The following TRIM9 variants were observed in gnomAD, a reference collection of about 807,000 sequenced individuals.
TRIM9 encodes the protein tripartite motif containing 9.
A neutral mutation model predicts 78.3 loss-of-function variants in TRIM9; 26 were observed. The observed-to-expected ratio is 0.33, with a 90% confidence interval of 0.24 to 0.46. The LOEUF (loss-of-function observed/expected upper bound fraction) is 0.46. Among genes scored for constraint, TRIM9 ranks in the 20% least tolerant of loss-of-function variants. TRIM9 has a pLI of 1.00. For missense variants in TRIM9, 787 were observed against 1,036.4 expected (o/e 0.76, Z 3.30); for synonymous variants, 398 against 416.5 (o/e 0.96, Z 0.54).
intron 1 of TRIM9, among the ~76,000 whole-genome samples, chr14:51,092,530 T>C (rs1156850154): frequency 6.6e-6 from 1 of 152,216 alleles, no homozygotes; most frequent in African/African-American, 2.4e-5. Context: ...AGCTGAGGCC[T>C]GGACACTATC....
intron 11 of TRIM9, among the ~76,000 whole-genome samples, chr14:50,980,469 TA>T (rs2051720797): frequency 6.6e-6 from 1 of 152,226 alleles, no homozygotes; most frequent in African/African-American, 2.4e-5. Context: ...AGACTGTACA[TA>T]GTCATTAAAA....
chr14:51,050,270 C>G (rs1192135789), intron 1 of TRIM9, among the ~76,000 whole-genome samples: 1 of 152,042 alleles, frequency 6.6e-6, no homozygotes, highest in Non-Finnish European at 1.5e-5. Flanking sequence ...GTGGGAGGGA[C>G]CTGGTGGGAG....
At chr14:51,067,857 C>T (rs1452913621) in intron 1 of TRIM9, among the ~76,000 whole-genome samples, 1 of 144,908 alleles carries the variant, frequency 6.9e-6, no homozygotes, top group Non-Finnish European at 1.6e-5. Context: ...TGAAAATCTA[C>T]TGTTTATTTT....
intron 1 of TRIM9, among the ~76,000 whole-genome samples, chr14:51,050,392 C>T (rs1220297056): frequency 6.6e-6 from 1 of 152,160 alleles, no homozygotes; most frequent in East Asian, 1.9e-4. Context: ...GTTCTCATTG[C>T]CTCTTTGCCT....
Position 50,982,156 on chromosome 14 carries a change from C to G in TRIM9, c.1859-53G>C, listed in dbSNP as rs74052112. On this transcript the variant is annotated intron_variant, in intron 10 of 12. Coordinates refer to ENST00000684578, the MANE Select transcript of TRIM9 (RefSeq NM_001387360.1). ...ATTAAGACAGACCCAACAAGCTCAG[C>G]ACCATAACATACTCCTGGGCGGGTG... is the stretch of plus-strand genomic sequence containing the variant. The G allele has an allele frequency of 6.7e-4, 1,069 of 1,591,272 alleles. 6 individuals carry two copies. In the African/African-American group the frequency reaches 0.012, roughly 19 times the overall value.
intron 5 of TRIM9, among the ~76,000 whole-genome samples, chr14:51,002,201 A>C (rs2139540729): frequency 6.6e-6 from 1 of 152,140 alleles, no homozygotes; most frequent in African/African-American, 2.4e-5. Flanking sequence ...GGCTCACTGC[A>C]AGCTCCGCCT....
chr14:51,002,651 A>T (rs2055230198), intron 5 of TRIM9, among the ~76,000 whole-genome samples: 1 of 152,222 alleles, frequency 6.6e-6, no homozygotes, highest in African/African-American at 2.4e-5. Flanking sequence ...ATGCCTTGTC[A>T]GTCATCCCAA....
At position 50,987,013 on chromosome 14, in the gene TRIM9, A is replaced by G. The variant is rs138964743; in HGVS notation, c.1604-869T>C. Among the ~76,000 whole-genome samples the G allele has an allele frequency of 4.1e-3, 623 of 152,322 alleles. 5 individuals carry two copies. The highest frequency in any genetic ancestry group is 0.014 in the African/African-American group (595 of 41,582). ...AAAATTGGTCCTTTCTATTTTGTCAAACAATAGCTGGTTCTATGCACGGTG... is the reference window on the plus strand; with the variant it reads ...AAAATTGGTCCTTTCTATTTTGTCAGACAATAGCTGGTTCTATGCACGGTG... On this transcript the variant is annotated intron_variant, in intron 7 of 12. Coordinates refer to ENST00000684578, the MANE Select transcript of TRIM9 (RefSeq NM_001387360.1).
At chr14:51,019,053 A>G (rs896298055) in intron 3 of TRIM9, among the ~76,000 whole-genome samples, 2 of 152,246 alleles carry the variant, frequency 1.3e-5, no homozygotes, top group African/African-American at 4.8e-5. Context: ...GTTTCTGAAG[A>G]AAGCATAGAT....
chr14:51,058,708 G>T (rs760449681), intron 1 of TRIM9, among the ~76,000 whole-genome samples: 2 of 152,140 alleles, frequency 1.3e-5, no homozygotes, highest in Non-Finnish European at 1.5e-5. Flanking sequence ...TGTCTTTTAC[G>T]TGAAAGAAAT....
intron 5 of TRIM9, among the ~76,000 whole-genome samples, chr14:51,001,378 C>G (rs995115574): frequency 1.3e-5 from 2 of 151,784 alleles, no homozygotes; most frequent in Non-Finnish European, 2.9e-5. Flanking sequence ...TACAGGCGCC[C>G]GCCACCACGC....
intron 1 of TRIM9, among the ~76,000 whole-genome samples, chr14:51,062,094 A>G (rs1451682656): frequency 7.0e-6 from 1 of 142,928 alleles, no homozygotes; most frequent in Admixed American, 7.0e-5. Flanking sequence ...ATTAAGTCCA[A>G]TAAATAAATT....
chr14:50,986,315 T>A, intron 7 of TRIM9, 171 bp from the exon 8 acceptor site: 1 of 479,664 alleles, frequency 2.1e-6, no homozygotes. Flanking sequence ...GGGAGGGAAT[T>A]TTCGGCAGAT....
chr14:51,078,498 T>C (rs1018105808), intron 1 of TRIM9, among the ~76,000 whole-genome samples: 1 of 152,082 alleles, frequency 6.6e-6, no homozygotes, highest in Non-Finnish European at 1.5e-5. Flanking sequence ...TAAATACATA[T>C]ATACACAATG....
chr14:50,981,766 G>A lies in TRIM9; in HGVS notation c.2162+34C>T, dbSNP rs566558621. On this transcript the variant is annotated intron_variant, in intron 11 of 12. Coordinates refer to ENST00000684578, the MANE Select transcript of TRIM9 (RefSeq NM_001387360.1). ...CTCTCACTCCTGATCAGAAGCCAAC[G>A]TGAAGAAGGCTTGGTTTGGGGGCTG... The A allele has an allele frequency of 3.0e-5, 49 of 1,611,248 alleles. No individual in the cohort carries two copies. The East Asian group carries it at 6.0e-4, about 20-fold the overall frequency.
chr14:51,087,210 T>A (rs372914600), intron 1 of TRIM9, among the ~76,000 whole-genome samples: 8 of 151,940 alleles, frequency 5.3e-5, no homozygotes, highest in African/African-American at 1.9e-4. Flanking sequence ...GCAAGCGTAG[T>A]GGACAGGAAG....
At chr14:51,005,575 C>G (rs2055674141) in intron 5 of TRIM9, among the ~76,000 whole-genome samples, 1 of 152,152 alleles carries the variant, frequency 6.6e-6, no homozygotes, top group Non-Finnish European at 1.5e-5. Flanking sequence ...AAGCCCTTGG[C>G]TGACTAGGAG....
chr14:51,083,842 G>A (rs1410861911), intron 1 of TRIM9, among the ~76,000 whole-genome samples: 4 of 152,198 alleles, frequency 2.6e-5, no homozygotes, highest in African/African-American at 9.7e-5. Flanking sequence ...AACCAAAATA[G>A]TATTTAGTGT....
At chr14:50,997,314 T>C (rs538563221) in intron 7 of TRIM9, 3 of 985,382 alleles carry the variant, frequency 3.0e-6, no homozygotes, top group South Asian at 4.7e-5. Flanking sequence ...ATATTTAAAG[T>C]ATAGCTAAGA....
Sources: allele counts gnomAD v4.1 joint callset (sites outside exome capture counted in the v4.1 genomes callset), GRCh38; gene constraint gnomAD v4.1.1; transcripts MANE v1.5; gene names NCBI Gene and HGNC (gene_info 2026-07-23, HGNC 2026-07-21).